MEOX2: variants seen among roughly 807,000 people sequenced by gnomAD.
MEOX2 encodes the protein homeobox protein MOX-2.
Under a neutral mutation model 27.0 loss-of-function variants are expected in MEOX2, and 11 were observed. That is an observed-to-expected ratio of 0.41 (90% confidence interval 0.26 to 0.68). The LOEUF (loss-of-function observed/expected upper bound fraction) is 0.68. Among genes scored for constraint, MEOX2 ranks in the 30% least tolerant of loss-of-function variants. MEOX2 has a pLI of 0.33. For missense variants in MEOX2, 436 were observed against 385.4 expected (o/e 1.13, Z -1.10); for synonymous variants, 189 against 155.4 (o/e 1.22, Z -1.61).
intron 1 of MEOX2, among the ~76,000 whole-genome samples, chr7:15,649,570 C>G (rs1464037816): frequency 6.6e-6 from 1 of 151,870 alleles, no homozygotes; most frequent in Admixed American, 6.6e-5. Context: ...AAAATAAGAA[C>G]AAAGACTTTA....
chr7:15,659,068 T>C (rs527963369), intron 1 of MEOX2, among the ~76,000 whole-genome samples: 1 of 152,306 alleles, frequency 6.6e-6, no homozygotes, highest in South Asian at 2.1e-4. Context: ...GGCATGATTA[T>C]GGCTCATTAC....
intron 1 of MEOX2, chr7:15,680,721 T>A (rs1782280084): frequency 6.6e-6 from 1 of 151,934 alleles, no homozygotes; most frequent in African/African-American, 2.4e-5. Flanking sequence ...CATATTAACA[T>A]CTAAAGCACA....
intron 1 of MEOX2, among the ~76,000 whole-genome samples, chr7:15,653,048 T>A (rs1192167668): frequency 6.6e-6 from 1 of 152,080 alleles, no homozygotes; most frequent in South Asian, 2.1e-4. Context: ...TTTAAGAAAC[T>A]GTCAAACTTT....
At chr7:15,624,801 CA>C (rs1781273325) in intron 2 of MEOX2, among the ~76,000 whole-genome samples, 1 of 152,194 alleles carries the variant, frequency 6.6e-6, no homozygotes, top group African/African-American at 2.4e-5. Context: ...TGTTACACAG[CA>C]AAGGGTAACT....
Position 15,686,121 on chromosome 7 carries a change from G to C in MEOX2, c.282C>G (p.Leu94=), listed in dbSNP as rs1782378263. 1.3e-6 allele frequency: 2 copies of C among 1,583,078 alleles called. No homozygotes were observed. The highest frequency in any genetic ancestry group is 1.1e-5 in the South Asian group (1 of 88,240). ...QHQALQTNWH[L]PQMSSPPSAA... is the part of the protein sequence containing the mutation. ...CACTCGGTGGGGAAGACATCTGCGG[G>C]AGGTGCCAGTTGGTTTGCAGAGCCT... Residue 94 remains leucine (L), a synonymous_variant, in exon 1 of 3, where the codon CTC becomes CTG. Coordinates refer to ENST00000262041, the MANE Select transcript of MEOX2 (RefSeq NM_005924.5).
chr7:15,616,472 T>A (rs1781125105), intron 2 of MEOX2, among the ~76,000 whole-genome samples: 1 of 151,852 alleles, frequency 6.6e-6, no homozygotes. Flanking sequence ...CAAATTTAAT[T>A]CCAGGTTATA....
chr7:15,685,987 G>A lies in MEOX2; in HGVS notation c.416C>T (p.Pro139Leu), dbSNP rs1464677938. Residue 139 changes from proline to leucine, a missense_variant, in exon 1 of 3, where the codon CCG becomes CTG. Pro to Leu is a moderately conservative substitution (Grantham distance 98). Coordinates refer to ENST00000262041, the MANE Select transcript of MEOX2 (RefSeq NM_005924.5). ...CCCCGGCGCGCACGCGGCCCCAGTC[G>A]GGGTGCTGGAGCCCAAGCTGGAAGA... ...SNSSSLGSST[P>L]TGAACAPGDY... 2 of 1,610,016 alleles carry A rather than the reference G, an allele frequency of 1.2e-6. No individual in the cohort carries two copies. Among genetic ancestry groups the A allele is most frequent in the Admixed American group, 1.7e-5 (1 of 60,002 alleles).
chr7:15,651,844 T>G (rs1426920233), intron 1 of MEOX2, among the ~76,000 whole-genome samples: 1 of 152,024 alleles, frequency 6.6e-6, no homozygotes, highest in Admixed American at 6.6e-5. Context: ...CCATACATGA[T>G]TTCAACAATC....
chr7:15,649,780 C>T (rs535274079), intron 1 of MEOX2, among the ~76,000 whole-genome samples: 1 of 152,146 alleles, frequency 6.6e-6, no homozygotes, highest in South Asian at 2.1e-4. Flanking sequence ...TGCAAAAGTA[C>T]AGATGTCCAG....
At chr7:15,679,927 T>A (rs1782265981) in intron 1 of MEOX2, 1 of 151,898 alleles carries the variant, frequency 6.6e-6, no homozygotes, top group African/African-American at 2.4e-5. Context: ...CATAACACTG[T>A]GAAAACCAAT....
chr7:15,612,538 C>G lies in MEOX2; in HGVS notation c.764G>C (p.Arg255Pro), dbSNP rs766976920. The change falls in exon 3 of 3, where the codon CGG becomes CCG. Residue 255 changes from arginine (R) to proline (P), a missense_variant. Arg to Pro is a moderately radical substitution (Grantham distance 103). Coordinates refer to ENST00000262041, the MANE Select transcript of MEOX2 (RefSeq NM_005924.5). ...TTTCACATTCACCAGTTCCTTTTCC[C>G]GAGCCGCAGCTCCTTGCTGTCCACC... ...VKGGQQGAAA[R>P]EKELVNVKKG... 3.7e-6 allele frequency: 6 copies of G among 1,614,054 alleles called. No homozygotes were observed. The East Asian group carries it at 1.1e-4, about 30-fold the overall frequency.
chr7:15,650,952 C>T (rs540157643), intron 1 of MEOX2, among the ~76,000 whole-genome samples: 2 of 151,872 alleles, frequency 1.3e-5, no homozygotes, highest in Non-Finnish European at 2.9e-5. Context: ...GAAATGAGGG[C>T]AGATTGCATT....
intron 1 of MEOX2, among the ~76,000 whole-genome samples, chr7:15,653,828 A>G (rs1236967842): frequency 1.3e-5 from 2 of 151,980 alleles, no homozygotes; most frequent in East Asian, 3.9e-4. Flanking sequence ...GTAGGTATGT[A>G]ATACATCAAA....
chr7:15,649,617 G>C (rs1013755510), intron 1 of MEOX2, among the ~76,000 whole-genome samples: 4 of 152,034 alleles, frequency 2.6e-5, no homozygotes, highest in Non-Finnish European at 5.9e-5. Context: ...GAAACAGTGA[G>C]TATCTGGAAT....
intron 1 of MEOX2, among the ~76,000 whole-genome samples, chr7:15,644,111 C>A (rs993104708): frequency 6.6e-6 from 1 of 152,164 alleles, no homozygotes; most frequent in Non-Finnish European, 1.5e-5. Flanking sequence ...TCTGTTTTCT[C>A]CTAGCCTAGC....
At chr7:15,657,975 G>C (rs1021847796) in intron 1 of MEOX2, among the ~76,000 whole-genome samples, 1 of 152,192 alleles carries the variant, frequency 6.6e-6, no homozygotes, top group African/African-American at 2.4e-5. Flanking sequence ...AGTGGAGAAG[G>C]TTCCTGATTA....
intron 1 of MEOX2, among the ~76,000 whole-genome samples, chr7:15,656,579 T>C (rs1416375446): frequency 6.6e-6 from 1 of 151,900 alleles, no homozygotes; most frequent in East Asian, 1.9e-4. Context: ...TTTTATCAGT[T>C]TGAGTGAAGT....
chr7:15,628,964 T>A (rs1781358386), intron 1 of MEOX2, among the ~76,000 whole-genome samples: 1 of 152,048 alleles, frequency 6.6e-6, no homozygotes, highest in Middle Eastern at 3.2e-3. Context: ...CCAATTTGGA[T>A]CCCTGCTTTG....
chr7:15,660,869 C>G (rs537707576), intron 1 of MEOX2, among the ~76,000 whole-genome samples: 1 of 151,676 alleles, frequency 6.6e-6, no homozygotes, highest in African/African-American at 2.4e-5. Context: ...AAAAATCAGC[C>G]AGGCATGATG....
Sources: gnomAD v4.1 joint callset for allele counts (sites outside exome capture counted in the v4.1 genomes callset) on GRCh38, gnomAD v4.1.1 for gene constraint, MANE v1.5 for transcripts, NCBI Gene and HGNC (gene_info 2026-07-23, HGNC 2026-07-21) for gene names.